ZSCAN25: variants seen among roughly 807,000 people sequenced by gnomAD.
The protein encoded by ZSCAN25 is zinc finger and SCAN domain-containing protein 25.
A neutral mutation model predicts 38.7 loss-of-function variants in ZSCAN25; 27 were observed. That is an observed-to-expected ratio of 0.70 (90% CI 0.51 to 0.96). ZSCAN25 has a LOEUF of 0.96. Ranked by LOEUF, ZSCAN25 falls within the 40% of genes least tolerant of loss-of-function variation. The pLI is 0.00. For synonymous variants in ZSCAN25, 273 were observed against 277.7 expected, an observed-to-expected ratio of 0.98 and a Z score of 0.17; for missense variants, 637 against 705.9, an observed-to-expected ratio of 0.90 and a Z score of 1.11.
the ZSCAN25 span, among the ~76,000 whole-genome samples, chr7:99,719,131 T>C: frequency 6.6e-6 from 1 of 152,238 alleles, no homozygotes; most frequent in Non-Finnish European, 1.5e-5. Flanking sequence ...CATGTTTATT[T>C]ATAGACACTG....
the ZSCAN25 span, among the ~76,000 whole-genome samples, chr7:99,720,120 T>G: frequency 6.6e-6 from 1 of 152,196 alleles, no homozygotes; most frequent in Non-Finnish European, 1.5e-5. Context: ...TTTCCTGTAC[T>G]GCAGTAATGT....
the ZSCAN25 span, chr7:99,662,880 G>T: frequency 6.2e-7 from 1 of 1,613,764 alleles, no homozygotes; most frequent in Non-Finnish European, 8.5e-7. The surrounding 1 kb of genome is among the most constrained non-coding windows in gnomAD (Gnocchi z 4.3). Flanking sequence ...AATCTAGTCG[G>T]TGCTAGAAGC....
chr7:99,663,901 A>G, the ZSCAN25 span: 6 of 1,522,066 alleles, frequency 3.9e-6, no homozygotes, highest in Non-Finnish European at 4.4e-6. Flanking sequence ...TACATGCTCT[A>G]TCATGTGTAT....
At chr7:99,647,977 A>C in the ZSCAN25 span, 5 of 985,394 alleles carry the variant, frequency 5.1e-6, no homozygotes, top group Non-Finnish European at 6.0e-6. Flanking sequence ...GTTATGGATC[A>C]AATTGTTGAG....
At chr7:99,620,475 C>T (rs906103308) in intron 4 of ZSCAN25, 71 of 157,902 alleles carry the variant, frequency 4.5e-4, no homozygotes, top group Non-Finnish European at 8.0e-4. Flanking sequence ...TGGCACCGCA[C>T]GTGCTTCCTT....
Position 99,630,916 on chromosome 7 carries a change from T to G in ZSCAN25, c.*896T>G. ...GAGTCTGAAAGATGAACTCTAGTAT[T>G]AATGCCCTATATTTGATGGCACTTT... On this transcript the variant is annotated 3_prime_UTR_variant, in exon 8 of 8. Transcript: ENST00000394152. The G allele has an allele frequency of 1.0e-6, 1 of 975,346 alleles. No individual in the cohort carries two copies. The highest frequency in any genetic ancestry group is 1.2e-6 in the Non-Finnish European group (1 of 820,744). 60.4% of individuals were successfully genotyped at this position (975,346 alleles called of 1,614,324 possible).
At chr7:99,636,889 T>G (rs1808306213), downstream of ZSCAN25, among the ~76,000 whole-genome samples, 1 of 152,240 alleles carries the variant, frequency 6.6e-6, no homozygotes, top group Non-Finnish European at 1.5e-5. Context: ...GTAGGTTCTT[T>G]GTCCTCATCC....
At chr7:99,665,274 A>T in the ZSCAN25 span, 238 of 1,614,050 alleles carry the variant, frequency 1.5e-4, no homozygotes, top group Middle Eastern at 1.5e-3. Context: ...ACTCCAAATG[A>T]TGTGCCAGTA....
chr7:99,717,687 C>G, the ZSCAN25 span: 1 of 1,603,344 alleles, frequency 6.2e-7, no homozygotes, highest in Non-Finnish European at 8.5e-7. Flanking sequence ...TTGTGGAGGT[C>G]TCCATGGTTG....
the ZSCAN25 span, among the ~76,000 whole-genome samples, chr7:99,657,164 A>G: frequency 6.6e-6 from 1 of 151,820 alleles, no homozygotes; most frequent in Non-Finnish European, 1.5e-5. Context: ...AGTTCTTTTC[A>G]TTGTGATGTT....
At chr7:99,707,729 G>A in the ZSCAN25 span, 1 of 1,572,186 alleles carries the variant, frequency 6.4e-7, no homozygotes, top group African/African-American at 1.4e-5. Context: ...AAGATTAAGT[G>A]AGTGTATTCT....
chr7:99,687,071 GA>G, the ZSCAN25 span, among the ~76,000 whole-genome samples: 4 of 152,094 alleles, frequency 2.6e-5, no homozygotes, highest in Non-Finnish European at 4.4e-5. Flanking sequence ...CAAAGATGGG[GA>G]AAAAACAGAG....
chr7:99,638,337 A>G, the ZSCAN25 span: 43 of 1,605,190 alleles, frequency 2.7e-5, no homozygotes, highest in Non-Finnish European at 3.4e-5. Flanking sequence ...CCTGTCCTGA[A>G]TCCAGGTCAG....
chr7:99,648,358 T>C, the ZSCAN25 span: 3 of 1,612,044 alleles, frequency 1.9e-6, no homozygotes, highest in African/African-American at 4.0e-5. Flanking sequence ...ACAATGGGTT[T>C]TTCTGGTTGA....
chr7:99,624,677 C>G (rs918825817), intron 7 of ZSCAN25, among the ~76,000 whole-genome samples: 3 of 152,126 alleles, frequency 2.0e-5, no homozygotes, highest in African/African-American at 7.2e-5. Flanking sequence ...TGGAGTGGCC[C>G]GAGTCACAGA....
the ZSCAN25 span, among the ~76,000 whole-genome samples, chr7:99,655,507 T>C: frequency 1.3e-5 from 2 of 152,348 alleles, no homozygotes; most frequent in South Asian, 2.1e-4. Flanking sequence ...TGAAGTCAGG[T>C]AGCATGATGC....
intron 7 of ZSCAN25, among the ~76,000 whole-genome samples, chr7:99,625,789 C>G (rs938988144): frequency 6.6e-6 from 1 of 152,194 alleles, no homozygotes; most frequent in Non-Finnish European, 1.5e-5. Context: ...GAGACTGGTT[C>G]TGTCCTTGTC....
the ZSCAN25 span, chr7:99,710,680 T>C: frequency 1.2e-6 from 2 of 1,613,292 alleles, no homozygotes; most frequent in East Asian, 2.2e-5. Context: ...TGAGGAAGCA[T>C]CTTTGCTAAG....
At chr7:99,660,811 A>C in the ZSCAN25 span, 3 of 899,744 alleles carry the variant, frequency 3.3e-6, no homozygotes, top group Non-Finnish European at 4.9e-6. Flanking sequence ...TCTGATATGT[A>C]TCTTATACAG....
Sources: gnomAD v4.1 joint callset for allele counts (sites outside exome capture counted in the v4.1 genomes callset) on GRCh38, gnomAD v4.1.1 for gene constraint, Gnocchi (gnomAD v3.1) non-coding constraint, MANE v1.5 for transcripts, NCBI Gene and HGNC (gene_info 2026-07-23, HGNC 2026-07-21) for gene names.